The following ZBTB20 variants were observed in gnomAD, a reference collection of about 807,000 sequenced individuals.
ZBTB20 encodes the protein zinc finger and BTB domain-containing protein 20.
Under a neutral mutation model 56.9 loss-of-function variants are expected in ZBTB20, and 9 were observed. The observed-to-expected ratio is 0.16, with a 90% CI of 0.10 to 0.28. The LOEUF is 0.28. Among genes scored for constraint, ZBTB20 ranks in the 10% least tolerant of loss-of-function variants. The pLI is 1.00. For missense variants in ZBTB20, 655 were observed against 1,003.0 expected, an observed-to-expected ratio of 0.65 and a Z score of 4.69; for synonymous variants, 417 against 420.7, an observed-to-expected ratio of 0.99 and a Z score of 0.11.
chr3:114,742,459 A>G (rs2066678941), intron 5 of ZBTB20, among the ~76,000 whole-genome samples: 1 of 152,196 alleles, frequency 6.6e-6, no homozygotes, highest in Non-Finnish European at 1.5e-5. Context: ...GCATTATAAT[A>G]GCAACAGCAG....
intron 5 of ZBTB20, among the ~76,000 whole-genome samples, chr3:114,754,861 G>C (rs1007525744): frequency 6.6e-6 from 1 of 152,158 alleles, no homozygotes; most frequent in African/African-American, 2.4e-5. Flanking sequence ...GTATGTATTA[G>C]TGTTTTAGTT....
In ZBTB20 at chr3:114,546,034, G is replaced by A. The variant is rs78194062; in HGVS notation, c.-294-45643C>T. 4.8e-3 allele frequency among the ~76,000 whole-genome samples: 733 copies of A among 152,260 alleles called. 38 individuals are homozygous for A. The East Asian group carries it at 0.13, about 27-fold the overall frequency. On this transcript the variant is annotated intron_variant, in intron 6 of 11. Transcript: ENST00000675478. ...ATTATTTTTAATGAAGAATTTTTGA[G>A]ATCCATAAGTACAGGAAAAATTTTG...
At chr3:114,406,744 C>T (rs1276205852) in intron 7 of ZBTB20, among the ~76,000 whole-genome samples, 1 of 151,706 alleles carries the variant, frequency 6.6e-6, no homozygotes, top group African/African-American at 2.4e-5. Flanking sequence ...GTCACTACTA[C>T]AAAACAATCC....
At chr3:115,123,472 G>C (rs2108650726) in intron 1 of ZBTB20, among the ~76,000 whole-genome samples, 1 of 152,256 alleles carries the variant, frequency 6.6e-6, no homozygotes, top group East Asian at 1.9e-4. Context: ...AAAGAATTAA[G>C]AATGGAGGCA....
chr3:114,661,549 T>C (rs1447928978), intron 6 of ZBTB20, among the ~76,000 whole-genome samples: 1 of 152,160 alleles, frequency 6.6e-6, no homozygotes. Context: ...CATTTGCTCT[T>C]AGCACTGTTG....
intron 2 of ZBTB20, among the ~76,000 whole-genome samples, chr3:115,025,666 T>C (rs188917015): frequency 1.7e-4 from 26 of 150,826 alleles, no homozygotes; most frequent in African/African-American, 5.1e-4. Flanking sequence ...AAAAAATTAG[T>C]ATCTGTGGAC....
intron 5 of ZBTB20, among the ~76,000 whole-genome samples, chr3:114,799,639 A>G (rs2071574371): frequency 6.6e-6 from 1 of 151,964 alleles, no homozygotes; most frequent in African/African-American, 2.4e-5. Context: ...TGAGTAAGAA[A>G]GAGAGAGCCC....
chr3:114,979,180 G>A (rs2078231108), intron 2 of ZBTB20, among the ~76,000 whole-genome samples: 1 of 151,972 alleles, frequency 6.6e-6, no homozygotes, highest in African/African-American at 2.4e-5. Flanking sequence ...GCACAGCCTG[G>A]AATGTAGAAA....
In ZBTB20 at chr3:114,829,283, A is replaced by C. The variant is rs186685303; in HGVS notation, c.-416-28109T>G. On this transcript the variant is annotated intron_variant, in intron 4 of 11. Transcript: ENST00000675478. ...ATTCCCATGGATACTGTGAAAATAA[A>C]GGGAATCAATGAAGAGATATAATTA... is the stretch of plus-strand genomic sequence containing the variant. Among the ~76,000 whole-genome samples, 374 of 152,036 alleles carry C rather than the reference A, an allele frequency of 2.5e-3. 1 individual carries two copies. Among genetic ancestry groups the C allele is most frequent in the Non-Finnish European group, 4.2e-3 (283 of 67,864 alleles).
At chr3:115,064,615 C>A (rs1018441305) in intron 2 of ZBTB20, among the ~76,000 whole-genome samples, 2 of 151,936 alleles carry the variant, frequency 1.3e-5, no homozygotes, top group Non-Finnish European at 2.9e-5. Flanking sequence ...ACACACCCAG[C>A]TAGTTTTAAA....
At chr3:114,386,143 T>C (rs576504297) in intron 8 of ZBTB20, among the ~76,000 whole-genome samples, 83 of 152,356 alleles carry the variant, frequency 5.4e-4, no homozygotes, top group African/African-American at 1.9e-3. Context: ...TATGGTCTAT[T>C]CATTGAGACC....
intron 6 of ZBTB20, among the ~76,000 whole-genome samples, chr3:114,652,951 C>T (rs1006004474): frequency 2.6e-5 from 4 of 151,688 alleles, no homozygotes; most frequent in African/African-American, 9.7e-5. Context: ...AATTATTTGC[C>T]GGTACTACAT....
rs1476350118 is a variant in ZBTB20 at position 114,473,662 on chromosome 3, T to A, written c.-255+26690A>T. Among the ~76,000 whole-genome samples the A allele has an allele frequency of 5.3e-5, 8 of 152,184 alleles. No homozygotes were observed. In the East Asian group the frequency reaches 1.5e-3, roughly 29 times the overall value. ...CTGGGGCAACATGGTGAGACCCCTG[T>A]CTCTAAAAAATAAAAAGTAAGTAGA... is the stretch of plus-strand genomic sequence containing the variant. On this transcript the variant is annotated intron_variant, in intron 7 of 11. Coordinates refer to ENST00000675478, the MANE Select transcript of ZBTB20 (RefSeq NM_001348800.3).
chr3:114,426,882 T>A (rs1222248083), intron 7 of ZBTB20, among the ~76,000 whole-genome samples: 3 of 152,244 alleles, frequency 2.0e-5, no homozygotes, highest in African/African-American at 7.2e-5. Flanking sequence ...ATATGGTATT[T>A]AATACAGTTT....
intron 5 of ZBTB20, among the ~76,000 whole-genome samples, chr3:114,783,597 C>T (rs60983757): frequency 0.032 from 4,889 of 151,878 alleles, 134 homozygotes; most frequent in African/African-American, 0.069. Context: ...AGATCGAGAC[C>T]AGCTTGACCA....
intron 5 of ZBTB20, among the ~76,000 whole-genome samples, chr3:114,776,447 A>C (rs879592027): frequency 6.6e-6 from 1 of 152,182 alleles, no homozygotes; most frequent in Admixed American, 6.5e-5. Flanking sequence ...TGTGGCCACA[A>C]GCCAAAAAAC....
chr3:114,765,305 T>C (rs181301541), intron 5 of ZBTB20, among the ~76,000 whole-genome samples: 1 of 152,278 alleles, frequency 6.6e-6, no homozygotes, highest in East Asian at 1.9e-4. Context: ...CTAATTAAGA[T>C]GCAGTCGTAA....
At chr3:114,884,820 G>A (rs1011344528) in intron 4 of ZBTB20, among the ~76,000 whole-genome samples, 1 of 152,110 alleles carries the variant, frequency 6.6e-6, no homozygotes, top group African/African-American at 2.4e-5. Context: ...AGGAGGAAAA[G>A]GGCTGATACT....
intron 1 of ZBTB20, among the ~76,000 whole-genome samples, chr3:115,117,705 G>C (rs760229675): frequency 2.2e-4 from 34 of 151,480 alleles, no homozygotes; most frequent in Admixed American, 3.9e-4. Context: ...ACAATATTTA[G>C]TTATGTAATC....
Sources: gnomAD v4.1 joint callset for allele counts (sites outside exome capture counted in the v4.1 genomes callset) on GRCh38, gnomAD v4.1.1 for gene constraint, MANE v1.5 for transcripts, NCBI Gene and HGNC (gene_info 2026-07-23, HGNC 2026-07-21) for gene names.